VSIR: variants seen among roughly 807,000 people sequenced by gnomAD.
VSIR encodes the protein V-set immunoregulatory receptor.
Under a neutral mutation model 31.0 loss-of-function variants are expected in VSIR, and 10 were observed. The observed-to-expected ratio is 0.32, with a 90% CI of 0.20 to 0.55. VSIR has a LOEUF of 0.55. Among genes scored for constraint, VSIR ranks in the 20% least tolerant of loss-of-function variants. The pLI is 0.93. For synonymous variants in VSIR, 179 were observed against 180.1 expected, an observed-to-expected ratio of 0.99 and a Z score of 0.05; for missense variants, 356 against 416.2, an observed-to-expected ratio of 0.86 and a Z score of 1.26.
intron 3 of VSIR, among the ~76,000 whole-genome samples, chr10:71,759,874 C>CACACACACATAT (rs1564779202): frequency 1.4e-5 from 1 of 70,274 alleles, no homozygotes; most frequent in Non-Finnish European, 3.5e-5. Context: ...CATATATATA[C>CACACACACATAT]ACACACACAC....
chr10:71,755,904 ATT>A (rs1840130423), intron 3 of VSIR, among the ~76,000 whole-genome samples: 1 of 152,198 alleles, frequency 6.6e-6, no homozygotes, highest in Non-Finnish European at 1.5e-5. Flanking sequence ...ACGGTTGCAC[ATT>A]GTGAATGTAA....
intron 3 of VSIR, 88 bp downstream of exon 3, chr10:71,760,780 G>A (rs1239660502): frequency 2.3e-6 from 3 of 1,283,050 alleles, no homozygotes; most frequent in Non-Finnish European, 3.4e-6. Context: ...TTGGGGTGAT[G>A]AGGCCAGAGT....
At chr10:71,753,953 C>A in intron 4 of VSIR, 1 of 446,158 alleles carries the variant, frequency 2.2e-6, no homozygotes, top group Non-Finnish European at 4.5e-6. Context: ...GGTTGTTGGT[C>A]CCATTTTAGA....
Position 71,771,626 on chromosome 10 carries a change from T to A in VSIR, c.82+1732A>T, listed in dbSNP as rs193252137. Among the ~76,000 whole-genome samples, 6 of 152,356 alleles carry A rather than the reference T, an allele frequency of 3.9e-5. No individual in the cohort carries two copies. The South Asian group carries it at 8.3e-4, about 21-fold the overall frequency. On this transcript the variant is annotated intron_variant, in intron 1 of 6. Transcript: ENST00000394957. ...GAGGTCCCAGAGCAATTCAAATGCT[T>A]CTGGCTCCTTTCAGTGGAAAGCTGC... is the stretch of plus-strand genomic sequence containing the variant.
Position 71,748,465 on chromosome 10 carries a change from C to G in VSIR, c.*2788G>C, listed in dbSNP as rs1437066891. ...GTCCCCGCTGTGTCAGCAAAACCCT[C>G]CAAATGGTGCTTTCAATTCCATTCC... On this transcript the variant is annotated 3_prime_UTR_variant, in exon 7 of 7. Transcript: ENST00000394957. The G allele has an allele frequency of 6.6e-6, 1 of 152,276 alleles. No homozygotes were observed. Among genetic ancestry groups the G allele is most frequent in the African/African-American group, 2.4e-5 (1 of 41,458 alleles). 9.4% of individuals were successfully genotyped at this position (152,276 alleles called of 1,614,324 possible).
Position 71,755,384 on chromosome 10 carries a change from C to T in VSIR, c.651G>A (p.Lys217=). Residue 217 remains lysine (K), a synonymous_variant, in exon 4 of 7, where the codon AAG becomes AAA. Transcript: ENST00000394957. ...CLPLILLLVY[K]QRQAASNRRA... The stretch of plus-strand genomic sequence containing the variant: ...GGCGGTTGGAGGCTGCCTGCCTTTG[C>T]TTGTAGACCAGGAGCAGGATGAGGG... 1 of 1,612,976 alleles carries T rather than the reference C, an allele frequency of 6.2e-7. No individual in the cohort carries two copies. The highest frequency in any genetic ancestry group is 1.1e-5 in the South Asian group (1 of 90,938).
Position 71,761,773 on chromosome 10 carries a change from G to T in VSIR, c.336C>A (p.Asp112Glu). Residue 112 changes from aspartate to glutamate, a missense_variant, in exon 2 of 7, where the codon GAC becomes GAA. Physicochemically the swap from Asp to Glu is conservative, Grantham distance 45. Around this residue, in one of 2 missense-constraint regions of VSIR, gnomAD observed 166 missense variants for 231.0 expected, o/e 0.72. Coordinates refer to ENST00000394957, the MANE Select transcript of VSIR (RefSeq NM_022153.2). ...GGHQAANTSH[D>E]LAQRHGLESA... ...ACTCCAGCCCGTGGCGCTGAGCCAG[G>T]TCGTGGCTGGTGTTGGCAGCCTGGT... 6.2e-7 allele frequency: 1 copy of T among 1,614,166 alleles called. No homozygotes were observed.
chr10:71,758,588 G>C (rs750353475), intron 3 of VSIR, among the ~76,000 whole-genome samples: 3 of 152,242 alleles, frequency 2.0e-5, no homozygotes, highest in Non-Finnish European at 4.4e-5. Flanking sequence ...AAGAAGGTGA[G>C]TATGCAGAGC....
At chr10:71,760,101 A>G (rs898085761) in intron 3 of VSIR, among the ~76,000 whole-genome samples, 3 of 134,018 alleles carry the variant, frequency 2.2e-5, no homozygotes, top group Non-Finnish European at 4.9e-5. Context: ...ATACACACAC[A>G]CATACATACA....
intron 1 of VSIR, among the ~76,000 whole-genome samples, chr10:71,769,836 CT>C (rs941472676): frequency 1.2e-4 from 19 of 152,218 alleles, no homozygotes; most frequent in Middle Eastern, 3.2e-3. Flanking sequence ...CTGTCTTTGT[CT>C]TTGGTGATGG....
chr10:71,766,931 G>A (rs762356874), intron 1 of VSIR, among the ~76,000 whole-genome samples: 3 of 152,194 alleles, frequency 2.0e-5, no homozygotes, highest in Non-Finnish European at 4.4e-5. Context: ...CACGCCCTCC[G>A]TGCAACATTC....
intron 3 of VSIR, among the ~76,000 whole-genome samples, chr10:71,759,096 G>T (rs552925122): frequency 6.6e-6 from 1 of 151,974 alleles, no homozygotes; most frequent in African/African-American, 2.4e-5. Flanking sequence ...GGAGTGCAGT[G>T]GCGCGATCTC....
intron 4 of VSIR, 130 bp from the exon 5 acceptor site, chr10:71,753,132 T>TC: frequency 9.3e-7 from 1 of 1,077,944 alleles, no homozygotes; most frequent in Non-Finnish European, 1.3e-6. Flanking sequence ...AGCTCCGGAC[T>TC]CCATTTCTTT....
At position 71,751,088 on chromosome 10, in the gene VSIR, C is replaced by A; in HGVS notation, c.*165G>T. The A allele has an allele frequency of 1.2e-6, 1 of 816,436 alleles. No homozygotes were observed. Among genetic ancestry groups the A allele is most frequent in the Non-Finnish European group, 1.9e-6 (1 of 523,976 alleles). 50.6% of individuals were successfully genotyped at this position (816,436 alleles called of 1,614,324 possible). ...CCGTCCAGCATCCCCATGTAGCATCCAGAGGGGTTGAGGGGCTGGGCTTCT... is the reference window on the plus strand; with the variant it reads ...CCGTCCAGCATCCCCATGTAGCATCAAGAGGGGTTGAGGGGCTGGGCTTCT... On this transcript the variant is annotated 3_prime_UTR_variant, in exon 7 of 7. Coordinates refer to ENST00000394957, the MANE Select transcript of VSIR (RefSeq NM_022153.2). The surrounding 1 kb of genome is among the most constrained non-coding windows in gnomAD (Gnocchi z 4.9).
chr10:71,759,506 CAA>C (rs1188557451), intron 3 of VSIR, among the ~76,000 whole-genome samples: 2 of 133,714 alleles, frequency 1.5e-5, no homozygotes, highest in Non-Finnish European at 3.2e-5. Context: ...GAGTCTTTCT[CAA>C]AAAAAAAAAA....
chr10:71,751,902 G>A lies in VSIR; in HGVS notation c.705-41C>T, dbSNP rs1840013556. On this transcript the variant is annotated intron_variant, in intron 5 of 6. Coordinates refer to ENST00000394957, the MANE Select transcript of VSIR (RefSeq NM_022153.2). The surrounding 1 kb of genome is among the most constrained non-coding windows in gnomAD (Gnocchi z 4.9). ...AATGGAAGGTCATCTGTGCTGTCCG[G>A]AGCGTGAACTCTGCCCTCCCTGCCC... 1 of 1,535,350 alleles carries A rather than the reference G, an allele frequency of 6.5e-7. No individual in the cohort carries two copies. Among genetic ancestry groups the A allele is most frequent in the Non-Finnish European group, 8.8e-7 (1 of 1,135,692 alleles).
At position 71,751,696 on chromosome 10, in the gene VSIR, G is replaced by A. The variant is rs1439249961; in HGVS notation, c.870C>T (p.Gly290=). 1.9e-6 allele frequency: 3 copies of A among 1,551,344 alleles called. No individual in the cohort carries two copies. The highest frequency in any genetic ancestry group is 2.6e-6 in the Non-Finnish European group (3 of 1,152,086). ...GGGATGGGAAGAAGACGTCTCCGGG[G>A]CCTGGAGGAGACAGGGGGGTGCTGG... ...SEPSTPLSPP[G]PGDVFFPSLD... The change falls in exon 6 of 7, where the codon GGC becomes GGT. Residue 290 remains glycine (G), a synonymous_variant. Transcript: ENST00000394957. This position sits in a 1 kb window ranked among gnomAD's most constrained non-coding sequence, Gnocchi z 4.9.
chr10:71,761,574 C>T lies in VSIR; in HGVS notation c.511+24G>A, dbSNP rs1014526824. 5.2e-6 allele frequency: 8 copies of T among 1,544,502 alleles called. No homozygotes were observed. In the African/African-American group the frequency reaches 1.1e-4, roughly 21 times the overall value. On this transcript the variant is annotated intron_variant, in intron 2 of 6. Transcript: ENST00000394957. ...CAGGCAGCCCTCCACACACGCCAGG[C>T]TGTCACGTGCAGGATGCCCTCACCT...
At chr10:71,772,944 T>C (rs1840720188) in intron 1 of VSIR, among the ~76,000 whole-genome samples, 2 of 152,128 alleles carry the variant, frequency 1.3e-5, no homozygotes, top group Non-Finnish European at 1.5e-5. Context: ...TCTGCAACAC[T>C]AGAGCCCTGA....
Sources: gnomAD v4.1 joint callset for allele counts (sites outside exome capture counted in the v4.1 genomes callset) on GRCh38, gnomAD v4.1.1 for gene constraint, gnomAD v4.1.1 regional missense constraint, Gnocchi (gnomAD v3.1) non-coding constraint, MANE v1.5 for transcripts, NCBI Gene and HGNC (gene_info 2026-07-23, HGNC 2026-07-21) for gene names.